Variants in PDE4B observed in about 807,000 individuals in gnomAD.
The protein encoded by PDE4B is phosphodiesterase 4B.
PDE4B carries 20 observed loss-of-function variants against 82.2 expected under a neutral mutation model. That is an observed-to-expected ratio of 0.24 (90% CI 0.17 to 0.35). PDE4B has a LOEUF of 0.35. Among genes scored for constraint, PDE4B ranks in the 10% least tolerant of loss-of-function variants. The pLI, the probability that PDE4B is intolerant of heterozygous loss-of-function variation, is 1.00. For synonymous variants in PDE4B, 320 were observed against 318.9 expected (o/e 1.00, Z -0.04); for missense variants, 655 against 907.2 (o/e 0.72, Z 3.57).
chr1:66,235,822 A>C (rs1022629473), intron 3 of PDE4B, among the ~76,000 whole-genome samples: 1 of 152,154 alleles, frequency 6.6e-6, no homozygotes, highest in Non-Finnish European at 1.5e-5. Flanking sequence ...TGAGCAAAGG[A>C]TTTTTTCAGA....
intron 3 of PDE4B, among the ~76,000 whole-genome samples, chr1:65,929,993 C>T (rs1246739119): frequency 1.3e-5 from 2 of 152,076 alleles, no homozygotes; most frequent in African/African-American, 4.8e-5. Flanking sequence ...CTATATTTGC[C>T]AGAGTTCTCT....
At chr1:65,905,697 C>G (rs1647021331) in intron 1 of PDE4B, among the ~76,000 whole-genome samples, 1 of 152,072 alleles carries the variant, frequency 6.6e-6, no homozygotes, top group Non-Finnish European at 1.5e-5. Context: ...TGGAAAAGGA[C>G]AGTAGCCTCC....
intron 4 of PDE4B, 148 bp from the exon 5 acceptor site, chr1:66,257,499 C>A (rs765427635): frequency 2.3e-6 from 2 of 870,228 alleles, no homozygotes; most frequent in Non-Finnish European, 4.0e-6. Flanking sequence ...CCTTTCGTGC[C>A]AAATTGTGAG....
intron 3 of PDE4B, among the ~76,000 whole-genome samples, chr1:66,133,000 A>G (rs1379273991): frequency 6.6e-6 from 1 of 152,196 alleles, no homozygotes; most frequent in Non-Finnish European, 1.5e-5. Flanking sequence ...TGGCAGTGAG[A>G]TGCAAGAGTT....
At chr1:66,166,625 T>A (rs1646737227) in intron 3 of PDE4B, among the ~76,000 whole-genome samples, 1 of 151,058 alleles carries the variant, frequency 6.6e-6, no homozygotes, top group African/African-American at 2.4e-5. Flanking sequence ...TCTAAGCTAC[T>A]CAGGAGGCTG....
At chr1:65,920,968 T>TC (rs1647228352) in intron 3 of PDE4B, among the ~76,000 whole-genome samples, 1 of 133,270 alleles carries the variant, frequency 7.5e-6, no homozygotes, top group Middle Eastern at 3.3e-3. Flanking sequence ...TCTTTTTTTT[T>TC]TTTTTTTTTT....
intron 16 of PDE4B, among the ~76,000 whole-genome samples, chr1:66,371,194 G>A (rs1178773402): frequency 6.8e-6 from 1 of 147,742 alleles, no homozygotes. Context: ...CAACTTGGAT[G>A]TATTAAATGA....
Position 66,084,889 on chromosome 1 carries a change from G to A in PDE4B, c.282-162571G>A, listed in dbSNP as rs1656926419. ...ACAGGCATAGTTCTTGTTTTGGTTG[G>A]AAACAGAGGTACTGATCAAGAAACC... On this transcript the variant is annotated intron_variant, in intron 3 of 16. Transcript: ENST00000341517. Among the ~76,000 whole-genome samples, 4 of 152,270 alleles carry A rather than the reference G, an allele frequency of 2.6e-5. No individual in the cohort carries two copies. The South Asian group carries it at 8.3e-4, about 32-fold the overall frequency.
At chr1:66,345,295 G>A (rs150433344) in intron 8 of PDE4B, among the ~76,000 whole-genome samples, 4 of 151,898 alleles carry the variant, frequency 2.6e-5, no homozygotes, top group East Asian at 2.0e-4. Flanking sequence ...TTATATTCTC[G>A]TATAACTTGT....
At chr1:66,324,579 G>A (rs895811353) in intron 7 of PDE4B, among the ~76,000 whole-genome samples, 1 of 152,150 alleles carries the variant, frequency 6.6e-6, no homozygotes, top group Admixed American at 6.6e-5. Flanking sequence ...TGTTTTACTT[G>A]TAGTCTTAGA....
At chr1:65,855,163 A>G (rs889791267) in intron 1 of PDE4B, among the ~76,000 whole-genome samples, 1 of 150,754 alleles carries the variant, frequency 6.6e-6, no homozygotes, top group Admixed American at 6.6e-5. Context: ...ATATTATATT[A>G]TATTATTCTA....
At chr1:66,103,348 A>G (rs1475362630) in intron 3 of PDE4B, among the ~76,000 whole-genome samples, 1 of 152,100 alleles carries the variant, frequency 6.6e-6, no homozygotes, top group Non-Finnish European at 1.5e-5. Context: ...TTGGAACTTT[A>G]CAATATTTGT....
intron 3 of PDE4B, among the ~76,000 whole-genome samples, chr1:65,946,764 C>T (rs1648734389): frequency 6.6e-6 from 1 of 151,854 alleles, no homozygotes; most frequent in South Asian, 2.1e-4. Flanking sequence ...TTATGCAGAC[C>T]CATTTGTTGC....
chr1:65,998,754 C>CAATCAGCA (rs1651695293), intron 3 of PDE4B, among the ~76,000 whole-genome samples: 1 of 151,574 alleles, frequency 6.6e-6, no homozygotes, highest in African/African-American at 2.4e-5. Flanking sequence ...ATGCATCAAA[C>CAATCAGCA]AATCAGCAAA....
chr1:66,325,861 A>G (rs1212818525), intron 7 of PDE4B, among the ~76,000 whole-genome samples: 1 of 152,234 alleles, frequency 6.6e-6, no homozygotes, highest in African/African-American at 2.4e-5. Flanking sequence ...GGCTTGGCGT[A>G]TACTGATTCA....
chr1:65,894,033 A>G (rs1003161974), intron 1 of PDE4B, among the ~76,000 whole-genome samples: 5 of 152,034 alleles, frequency 3.3e-5, no homozygotes, highest in Non-Finnish European at 5.9e-5. Context: ...AAGACTACAT[A>G]TTGGGCACAG....
intron 3 of PDE4B, among the ~76,000 whole-genome samples, chr1:65,924,571 C>T (rs1472857069): frequency 6.6e-6 from 1 of 152,178 alleles, no homozygotes; most frequent in Non-Finnish European, 1.5e-5. Flanking sequence ...CTTAAAATAA[C>T]ATTTTTATCT....
At chr1:66,292,157 T>C (rs1657133335) in intron 7 of PDE4B, among the ~76,000 whole-genome samples, 1 of 152,228 alleles carries the variant, frequency 6.6e-6, no homozygotes, top group Admixed American at 6.5e-5. Flanking sequence ...TGATTTATTT[T>C]CTCTTCTTTT....
intron 3 of PDE4B, among the ~76,000 whole-genome samples, chr1:66,109,786 C>T (rs1645443928): frequency 6.6e-6 from 1 of 151,424 alleles, no homozygotes; most frequent in African/African-American, 2.4e-5. Flanking sequence ...TCTAATGTAC[C>T]CATCACCCAA....
Sources: gnomAD v4.1 joint callset for allele counts (sites outside exome capture counted in the v4.1 genomes callset) on GRCh38, gnomAD v4.1.1 for gene constraint, MANE v1.5 for transcripts, NCBI Gene and HGNC (gene_info 2026-07-23, HGNC 2026-07-21) for gene names.